Variants in ACP2 observed in about 807,000 individuals in gnomAD.
ACP2 encodes the protein acid phosphatase 2, lysosomal.
A neutral mutation model predicts 54.7 loss-of-function variants in ACP2; 35 were observed. That is an observed-to-expected ratio of 0.64 (90% CI 0.49 to 0.85). ACP2 has a LOEUF of 0.85. Ranked by LOEUF, ACP2 falls within the 40% of genes least tolerant of loss-of-function variation. The pLI, the probability that ACP2 is intolerant of heterozygous loss-of-function variation, is 0.00. For synonymous variants in ACP2, 210 were observed against 224.4 expected (o/e 0.94, Z 0.57); for missense variants, 492 against 565.0 (o/e 0.87, Z 1.31).
At chr11:47,244,489 T>C (rs903627421) in intron 7 of ACP2, among the ~76,000 whole-genome samples, 8 of 152,110 alleles carry the variant, frequency 5.3e-5, no homozygotes, top group Non-Finnish European at 1.0e-4. Flanking sequence ...CACTCCAGCC[T>C]GGGTGACAAG....
In ACP2 at chr11:47,239,992, TG is replaced by T; in HGVS notation, c.*123del. ...GCTGAGCCCCACTCGCTCATCTGGCTGGGGTCATCAGAGGGAGGCCCAACCC... is the reference window on the plus strand; with the variant it reads ...GCTGAGCCCCACTCGCTCATCTGGCTGGGTCATCAGAGGGAGGCCCAACCC... On this transcript the variant is annotated 3_prime_UTR_variant, in exon 11 of 11. Transcript: ENST00000672073. 1 of 1,027,126 alleles carries T rather than the reference TG, an allele frequency of 9.7e-7. No homozygotes were observed. Among genetic ancestry groups the T allele is most frequent in the Non-Finnish European group, 1.4e-6 (1 of 704,112 alleles). The allele number at this position is 1,027,126 out of a possible 1,614,324, so 63.6% of individuals were successfully genotyped here.
intron 7 of ACP2, 88 bp downstream of exon 7, chr11:47,244,647 G>T: frequency 9.3e-7 from 1 of 1,069,642 alleles, no homozygotes. Context: ...TTTCAGTAGA[G>T]AGGGAAGTGT....
intron 7 of ACP2, among the ~76,000 whole-genome samples, chr11:47,244,484 C>T (rs759462981): frequency 6.6e-6 from 1 of 151,798 alleles, no homozygotes; most frequent in Non-Finnish European, 1.5e-5. Context: ...CATTGCACTC[C>T]AGCCTGGGTG....
intron 1 of ACP2, 42 bp downstream of exon 1, chr11:47,248,634 T>C (rs1474479654): frequency 6.3e-7 from 1 of 1,581,194 alleles, no homozygotes; most frequent in Admixed American, 1.8e-5. Flanking sequence ...CCTTTGCCCT[T>C]TTAGCTTCAG....
At chr11:47,241,869 G>A (rs1189979892) in intron 10 of ACP2, among the ~76,000 whole-genome samples, 1 of 152,210 alleles carries the variant, frequency 6.6e-6, no homozygotes, top group African/African-American at 2.4e-5. Context: ...TGCATGTAGA[G>A]ATCTCAAGTT....
Position 47,244,818 on chromosome 11 carries a change from T to C in ACP2, c.689A>G (p.Gln230Arg), listed in dbSNP as rs1954000091. 3 of 1,612,726 alleles carry C rather than the reference T, an allele frequency of 1.9e-6. No individual in the cohort carries two copies. The highest frequency in any genetic ancestry group is 1.6e-4 in the Middle Eastern group (1 of 6,082). Reference protein sequence around the residue: ...LPPWASPQTMQRLSRLKDFSF... With the variant: ...LPPWASPQTMRRLSRLKDFSF... The stretch of plus-strand genomic sequence containing the variant: ...GAAGTCCTTTAGCCGGCTGAGACGC[T>C]GCATGGTTTGGGGTGAGGCCCAGGG... Residue 230 changes from glutamine to arginine, a missense_variant, in exon 7 of 11, where the codon CAG becomes CGG. Coordinates refer to ENST00000672073, the MANE Select transcript of ACP2 (RefSeq NM_001610.4).
chr11:47,248,411 A>T (rs1298625963), intron 1 of ACP2: 10 of 1,531,136 alleles, frequency 6.5e-6, no homozygotes, highest in Admixed American at 2.0e-5. Flanking sequence ...AACTGGGGAA[A>T]AAAGATAACC....
chr11:47,248,159 T>C, intron 1 of ACP2, 26 bp from the exon 2 acceptor site: 1 of 1,573,668 alleles, frequency 6.4e-7, no homozygotes, highest in Non-Finnish European at 8.6e-7. Flanking sequence ...GGTTTGCCTA[T>C]AGGTCAGAAG....
Position 47,245,344 on chromosome 11 carries a change from C to T in ACP2, c.600G>A (p.Leu200=), listed in dbSNP as rs185966000. The T allele has an allele frequency of 1.2e-6, 2 of 1,614,134 alleles. No individual in the cohort carries two copies. The highest frequency in any genetic ancestry group is 2.2e-5 in the East Asian group (1 of 44,886). Residue 200 remains leucine (L), a synonymous_variant, in exon 6 of 11, where the codon CTG becomes CTA. Coordinates refer to ENST00000672073, the MANE Select transcript of ACP2 (RefSeq NM_001610.4). The part of the protein sequence containing the change: ...ANETGLTDLT[L]ETVWNVYDTL... ...TGTCATAGACATTCCAGACGGTCTC[C>T]AGTGTCAGGTCTGTAAGCCCTGTCT...
intron 8 of ACP2, 41 bp downstream of exon 8, chr11:47,243,198 T>G (rs1565162196): frequency 2.5e-6 from 4 of 1,613,350 alleles, no homozygotes; most frequent in Non-Finnish European, 3.4e-6. Context: ...GAAATCCAGC[T>G]CCTTGCCTGA....
intron 2 of ACP2, 131 bp from the exon 3 acceptor site, chr11:47,247,858 C>T: frequency 1.0e-6 from 1 of 997,216 alleles, no homozygotes; most frequent in South Asian, 1.6e-5. Flanking sequence ...AGAAGTCTTT[C>T]ATTAAGTGGC....
chr11:47,246,494 T>C (rs1220659382), intron 3 of ACP2, among the ~76,000 whole-genome samples: 2 of 152,108 alleles, frequency 1.3e-5, no homozygotes, highest in East Asian at 3.9e-4. Context: ...GAGGATCACT[T>C]GAGCCCAGGA....
At position 47,239,850 on chromosome 11, in the gene ACP2, C is replaced by T. The variant is rs1405717361; in HGVS notation, c.*266G>A. Reference sequence around the variant, plus strand: ...GTGAACACTGACTGCCAGTTTACATCTCAGGTGTGTAGGGAGCGTGGAGGA... The same window carrying T: ...GTGAACACTGACTGCCAGTTTACATTTCAGGTGTGTAGGGAGCGTGGAGGA... On this transcript the variant is annotated 3_prime_UTR_variant, in exon 11 of 11. Coordinates refer to ENST00000672073, the MANE Select transcript of ACP2 (RefSeq NM_001610.4). The T allele has an allele frequency of 2.3e-6, 1 of 442,882 alleles. No individual in the cohort carries two copies. The highest frequency in any genetic ancestry group is 4.1e-6 in the Non-Finnish European group (1 of 246,520). 27.4% of individuals were successfully genotyped at this position (442,882 alleles called of 1,614,324 possible). A position where few individuals can be genotyped will look rare whatever the true frequency, so the allele number is the denominator to read the frequency against.
chr11:47,239,874 G>T lies in ACP2; in HGVS notation c.*242C>A. ...TCTCAGGTGTGTAGGGAGCGTGGAG[G>T]AGGCAAATCCTGTTTGGAGAAAGCC... On this transcript the variant is annotated 3_prime_UTR_variant, in exon 11 of 11. Transcript: ENST00000672073. The T allele has an allele frequency of 1.9e-6, 1 of 514,554 alleles. No individual in the cohort carries two copies. The highest frequency in any genetic ancestry group is 3.5e-6 in the Non-Finnish European group (1 of 288,574). 31.9% of individuals were successfully genotyped at this position (514,554 alleles called of 1,614,324 possible). A position where few individuals can be genotyped will look rare whatever the true frequency, so the allele number is the denominator to read the frequency against.
Position 47,248,108 on chromosome 11 carries a change from GGT to G in ACP2, c.138_139del (p.Pro47SerfsTer61), listed in dbSNP as rs745846600. The G allele has an allele frequency of 6.2e-7, 1 of 1,611,192 alleles. No individual in the cohort carries two copies. Among genetic ancestry groups the G allele is most frequent in the Non-Finnish European group, 8.5e-7 (1 of 1,179,160 alleles). On this transcript the variant is annotated frameshift_variant, in exon 2 of 11. Coordinates refer to ENST00000672073, the MANE Select transcript of ACP2 (RefSeq NM_001610.4). LOFTEE classifies it high-confidence loss of function. Reference sequence around the variant, plus strand: ...GGGGTCCTTGGGATATGTCTTCACTGGTGAACGGTCTCCATGGCGGTACAGCT... The same window carrying G: ...GGGGTCCTTGGGATATGTCTTCACTGGAACGGTCTCCATGGCGGTACAGCT...
At chr11:47,244,344 G>A (rs956315206) in intron 7 of ACP2, among the ~76,000 whole-genome samples, 5 of 152,026 alleles carry the variant, frequency 3.3e-5, no homozygotes, top group South Asian at 2.1e-4. Flanking sequence ...GTGAAACCCC[G>A]TTCCTACTAA....
At chr11:47,247,994 T>A in intron 2 of ACP2, 44 bp downstream of exon 2, 1 of 1,510,812 alleles carries the variant, frequency 6.6e-7, no homozygotes, top group Non-Finnish European at 9.0e-7. Flanking sequence ...TAGACGTCGC[T>A]CATTCTGCAG....
In ACP2 at chr11:47,239,392, C is replaced by A; in HGVS notation, c.*724G>T. On this transcript the variant is annotated 3_prime_UTR_variant, in exon 11 of 11. Transcript: ENST00000672073. ...CAGTCTAGAACTTTCTTTTCCAGCT[C>A]ACAACCTGCATGTAGCTCAGGTCCC... is the stretch of plus-strand genomic sequence containing the variant. 5.5e-6 allele frequency: 1 copy of A among 181,968 alleles called. No individual in the cohort carries two copies. 11.3% of individuals were successfully genotyped at this position (181,968 alleles called of 1,614,324 possible). A position where few individuals can be genotyped will look rare whatever the true frequency, so the allele number is the denominator to read the frequency against.
intron 1 of ACP2, chr11:47,248,357 T>G: frequency 7.6e-7 from 1 of 1,308,004 alleles, no homozygotes; most frequent in Non-Finnish European, 1.1e-6. Flanking sequence ...AAGGTACAGG[T>G]AGGAAGGGAA....
Sources: allele counts gnomAD v4.1 joint callset (sites outside exome capture counted in the v4.1 genomes callset), GRCh38; gene constraint gnomAD v4.1.1; transcripts MANE v1.5; gene names NCBI Gene and HGNC (gene_info 2026-07-23, HGNC 2026-07-21).